Variants in LANCL2 observed in about 807,000 individuals in gnomAD.
The protein encoded by LANCL2 is lanC-like protein 2.
In LANCL2, 33 loss-of-function variants were observed where a neutral mutation model predicts 56.9. The ratio of observed to expected loss-of-function variants is 0.58; its 90% CI spans 0.44 to 0.78. LANCL2 has a LOEUF of 0.78. LANCL2 is among the 30% of genes least tolerant of loss of function. The pLI is 0.00. For synonymous variants in LANCL2, 233 were observed against 228.2 expected, an observed-to-expected ratio of 1.02 and a Z score of -0.19; for missense variants, 562 against 580.2, an observed-to-expected ratio of 0.97 and a Z score of 0.32.
chr7:55,391,322 C>CT (rs1355881404), intron 1 of LANCL2, among the ~76,000 whole-genome samples: 13 of 152,018 alleles, frequency 8.6e-5, no homozygotes, highest in African/African-American at 2.9e-4. Flanking sequence ...CCGGCCTGAA[C>CT]TTTTTTTGTG....
intron 5 of LANCL2, among the ~76,000 whole-genome samples, chr7:55,407,820 T>C (rs1312493628): frequency 6.6e-6 from 1 of 152,240 alleles, no homozygotes; most frequent in African/African-American, 2.4e-5. Context: ...TCTCTACTTT[T>C]ACACATCCCG....
rs996488389 is a variant in LANCL2, at chr7:55,365,956, C to T, written c.-70C>T. ...TCTCTGCGCGGGCCCTCGGAGGAGG[C>T]GGCGGCGGGGCGAGCTGCAGCGCCG... is the stretch of plus-strand genomic sequence containing the variant. On this transcript the variant is annotated 5_prime_UTR_variant, in exon 1 of 9. Transcript: ENST00000254770. The T allele has an allele frequency of 1.4e-5, 17 of 1,228,202 alleles. No homozygotes were observed. The highest frequency in any genetic ancestry group is 1.7e-5 in the Non-Finnish European group (16 of 928,128). 76.1% of individuals were successfully genotyped at this position (1,228,202 alleles called of 1,614,324 possible).
At chr7:55,425,607 T>TATA (rs1381951643) in intron 7 of LANCL2, among the ~76,000 whole-genome samples, 177 bp downstream of exon 7, 6 of 152,224 alleles carry the variant, frequency 3.9e-5, no homozygotes, top group African/African-American at 1.4e-4. Context: ...TGTCCCTGTC[T>TATA]GTAGAATGGA....
At chr7:55,383,616 G>A (rs944736827) in intron 1 of LANCL2, among the ~76,000 whole-genome samples, 6 of 152,126 alleles carry the variant, frequency 3.9e-5, no homozygotes, top group Non-Finnish European at 8.8e-5. Context: ...CATTTCTGGA[G>A]CTGCTTTTAT....
Position 55,398,620 on chromosome 7 carries a change from TGTGTCACAAA to T in LANCL2, c.524_530+3del. On this transcript the variant is annotated frameshift_variant and splice_region_variant, in exon 3 of 9. Coordinates refer to ENST00000254770, the MANE Select transcript of LANCL2 (RefSeq NM_018697.4). LOFTEE classifies it high-confidence loss of function. Reference sequence around the variant, plus strand: ...CAGAAGTGACTGTGAGTCCCAGGAATGTGTCACAAAGTGAGTTTTAGAACTGGAAACATTT... The same window carrying T: ...CAGAAGTGACTGTGAGTCCCAGGAATGTGAGTTTTAGAACTGGAAACATTT... 6.2e-7 allele frequency: 1 copy of T among 1,612,906 alleles called. No homozygotes were observed. The highest frequency in any genetic ancestry group is 8.5e-7 in the Non-Finnish European group (1 of 1,179,450).
rs570323514 is a variant in LANCL2, at chr7:55,385,909, C to A, written c.205-5884C>A. ...TTGTGGGGGCCAGTTCAGAGACCTA[C>A]CCCTAGGTGCGCATTCTCTTTCTCA... is the stretch of plus-strand genomic sequence containing the variant. On this transcript the variant is annotated intron_variant, in intron 1 of 8. Transcript: ENST00000254770. Among the ~76,000 whole-genome samples, 850 of 152,222 alleles carry A rather than the reference C, an allele frequency of 5.6e-3. 17 individuals carry two copies. The highest frequency in any genetic ancestry group is 0.02 in the African/African-American group (813 of 41,544).
chr7:55,366,288 C>G, intron 1 of LANCL2, 59 bp downstream of exon 1: 1 of 1,366,600 alleles, frequency 7.3e-7, no homozygotes, highest in Non-Finnish European at 9.7e-7. Flanking sequence ...TGGTAGCGTC[C>G]ACCTTCCGCC....
intron 8 of LANCL2, among the ~76,000 whole-genome samples, chr7:55,430,943 C>A (rs1057414295): frequency 3.9e-5 from 6 of 152,236 alleles, no homozygotes; most frequent in African/African-American, 1.4e-4. Context: ...GCATCCATAA[C>A]TTCCATAGCG....
In LANCL2 at chr7:55,431,268, CAG is replaced by C; in HGVS notation, c.1305_1306del (p.Glu435AspfsTer8). 1 of 1,613,872 alleles carries C rather than the reference CAG, an allele frequency of 6.2e-7. No individual in the cohort carries two copies. The highest frequency in any genetic ancestry group is 1.1e-5 in the South Asian group (1 of 91,022). ...CACTTTCTCTCTGATGTCCTGGGAC[CAG>C]AGACATCACGGTTTCCAGCATTTGA... On this transcript the variant is annotated frameshift_variant, in exon 9 of 9. Transcript: ENST00000254770. LOFTEE classifies it high-confidence loss of function.
intron 3 of LANCL2, among the ~76,000 whole-genome samples, chr7:55,399,417 C>G (rs893248473): frequency 6.0e-5 from 9 of 149,696 alleles, no homozygotes; most frequent in African/African-American, 2.2e-4. Context: ...GATCTCAGCT[C>G]ACTGCAACGT....
At chr7:55,373,301 A>G (rs1187826816) in intron 1 of LANCL2, among the ~76,000 whole-genome samples, 1 of 136,170 alleles carries the variant, frequency 7.3e-6, no homozygotes, top group Middle Eastern at 3.5e-3. Context: ...TTATTTATTT[A>G]TTTATTTGAG....
chr7:55,399,811 T>G, intron 3 of LANCL2, 146 bp from the exon 4 acceptor site: 10 of 530,600 alleles, frequency 1.9e-5, no homozygotes, highest in Non-Finnish European at 2.5e-5. Flanking sequence ...GTTTTTGTTG[T>G]GTTCTGGATT....
intron 1 of LANCL2, among the ~76,000 whole-genome samples, chr7:55,374,626 C>A (rs1328140200): frequency 1.3e-5 from 2 of 152,042 alleles, no homozygotes; most frequent in Non-Finnish European, 2.9e-5. Context: ...ATTTTGTTTG[C>A]AAAATGGAAC....
intron 1 of LANCL2, among the ~76,000 whole-genome samples, chr7:55,378,759 C>G (rs1790031703): frequency 6.6e-6 from 1 of 152,062 alleles, no homozygotes; most frequent in South Asian, 2.1e-4. Flanking sequence ...TGGCAAAGGG[C>G]AGAGAAATGA....
At chr7:55,407,494 G>C (rs966721185) in intron 5 of LANCL2, among the ~76,000 whole-genome samples, 2 of 152,228 alleles carry the variant, frequency 1.3e-5, no homozygotes, top group African/African-American at 4.8e-5. Context: ...GTGTCAACTT[G>C]ACTGAGCCCT....
chr7:55,405,156 C>T (rs530134909), intron 5 of LANCL2, among the ~76,000 whole-genome samples: 151 of 151,800 alleles, frequency 9.9e-4, no homozygotes, highest in Admixed American at 2.6e-3. Context: ...GCTGTAACTC[C>T]ACTCCGAGTC....
In LANCL2 at chr7:55,366,255, G is replaced by C. The variant is rs772898187; in HGVS notation, c.204+26G>C. The C allele has an allele frequency of 1.5e-5, 22 of 1,451,678 alleles. No homozygotes were observed. In the African/African-American group the frequency reaches 2.9e-4, roughly 19 times the overall value. The allele number at this position is 1,451,678 out of a possible 1,614,324, so 89.9% of individuals were successfully genotyped here. Reference sequence around the variant, plus strand: ...GTGAGTCGGCGGCCTGGCCGCAGAGGCGCCGGAGGGGGAGCGCGGCGGTGG... The same window carrying C: ...GTGAGTCGGCGGCCTGGCCGCAGAGCCGCCGGAGGGGGAGCGCGGCGGTGG... On this transcript the variant is annotated intron_variant, in intron 1 of 8. Transcript: ENST00000254770.
In LANCL2 at chr7:55,432,065, G is replaced by A. The variant is rs1790736042; in HGVS notation, c.*745G>A. On this transcript the variant is annotated 3_prime_UTR_variant, in exon 9 of 9. Coordinates refer to ENST00000254770, the MANE Select transcript of LANCL2 (RefSeq NM_018697.4). ...GACCCAAAGGGAGCTTTCCCAAGAA[G>A]CCTTTGATGGCCACACTGTAGGCAG... 6.6e-6 allele frequency: 1 copy of A among 152,224 alleles called. No homozygotes were observed. Among genetic ancestry groups the A allele is most frequent in the African/African-American group, 2.4e-5 (1 of 41,458 alleles). 9.4% of individuals were successfully genotyped at this position (152,224 alleles called of 1,614,324 possible).
intron 6 of LANCL2, among the ~76,000 whole-genome samples, chr7:55,417,522 C>G (rs1345257073): frequency 6.6e-6 from 1 of 152,158 alleles, no homozygotes; most frequent in East Asian, 1.9e-4. Context: ...CTTAAGACCT[C>G]ACTTTGTTCT....
Sources: allele counts gnomAD v4.1 joint callset (sites outside exome capture counted in the v4.1 genomes callset), GRCh38; gene constraint gnomAD v4.1.1; transcripts MANE v1.5; gene names NCBI Gene and HGNC (gene_info 2026-07-23, HGNC 2026-07-21).